PRPF31: variants seen among roughly 807,000 people sequenced by gnomAD.
PRPF31 encodes pre-mRNA processing factor 31.
A neutral mutation model predicts 60.4 loss-of-function variants in PRPF31; 12 were observed. That is an observed-to-expected ratio of 0.20 (90% CI 0.13 to 0.32). PRPF31 has a LOEUF of 0.32. PRPF31 is among the 10% of genes least tolerant of loss of function. PRPF31 has a pLI of 1.00. For synonymous variants in PRPF31, 287 were observed against 287.9 expected (o/e 1.00, Z 0.03); for missense variants, 431 against 687.1 (o/e 0.63, Z 4.17).
In PRPF31 at chr19:54,123,910, A is replaced by C; in HGVS notation, c.689A>C (p.Lys230Thr). ...SIIIGASTAA[K>T]IMGVAGGLTN... ...ATTATCGGGGCATCCACGGCCGCCA[A>C]GATCATGGGTGAGTCCCCGGGCTGG... Residue 230 changes from lysine to threonine, a missense_variant, in exon 7 of 14, where the codon AAG becomes ACG. Around this residue, in one of 4 missense-constraint regions of PRPF31, gnomAD observed 314 missense variants for 475.3 expected, o/e 0.66. Transcript: ENST00000321030. The C allele has an allele frequency of 6.2e-7, 1 of 1,613,828 alleles. No individual in the cohort carries two copies. Among genetic ancestry groups the C allele is most frequent in the Non-Finnish European group, 8.5e-7 (1 of 1,180,024 alleles).
chr19:54,128,307 A>G lies in PRPF31; in HGVS notation c.1076A>G (p.Tyr359Cys). Residue 359 changes from tyrosine (Y) to cysteine (C), a missense_variant and splice_region_variant, in exon 11 of 14, where the codon TAC becomes TGC. Transcript: ENST00000321030. Reference sequence around the variant, plus strand: ...GCCGCCCACCCACCCGTCCCCAGGTACCGCAAGATGAAGGAGCGGCTGGGG... The same window carrying G: ...GCCGCCCACCCACCCGTCCCCAGGTGCCGCAAGATGAAGGAGCGGCTGGGG... ...GQRKKRGGRRYRKMKERLGLT... is the reference protein window; with the variant it reads ...GQRKKRGGRRCRKMKERLGLT... 1.9e-6 allele frequency: 2 copies of G among 1,037,826 alleles called. No homozygotes were observed. The highest frequency in any genetic ancestry group is 2.7e-6 in the Non-Finnish European group (2 of 748,412). 64.3% of individuals were successfully genotyped at this position (1,037,826 alleles called of 1,614,324 possible). A position where few individuals can be genotyped will look rare whatever the true frequency, so the allele number is the denominator to read the frequency against.
chr19:54,119,381 C>G (rs1432657258), intron 3 of PRPF31: 1 of 123,886 alleles, frequency 8.1e-6, no homozygotes, highest in African/African-American at 2.9e-5. Flanking sequence ...GACTCCGTCT[C>G]AAAAAAAAAA....
At position 54,119,478 on chromosome 19, in the gene PRPF31, G is replaced by A. The variant is rs139460996; in HGVS notation, c.238+845G>A. The A allele has an allele frequency of 4.2e-3, 637 of 151,290 alleles. 2 individuals are homozygous for A. The highest frequency in any genetic ancestry group is 6.2e-3 in the Non-Finnish European group (424 of 67,882). The allele number at this position is 151,290 out of a possible 1,614,324, so 9.4% of individuals were successfully genotyped here. On this transcript the variant is annotated intron_variant, in intron 3 of 13. Transcript: ENST00000321030. ...GCTCAGACTCACTCTTAAGAGGGCAGTCCTGTTACCATTCCTATTCTTTTT... is the reference window on the plus strand; with the variant it reads ...GCTCAGACTCACTCTTAAGAGGGCAATCCTGTTACCATTCCTATTCTTTTT...
chr19:54,118,150 C>T (rs1267458756), intron 1 of PRPF31, 121 bp from the exon 2 acceptor site: 2 of 1,375,052 alleles, frequency 1.5e-6, no homozygotes, highest in Middle Eastern at 2.5e-4. Flanking sequence ...TGTCGTGGAG[C>T]CTGCATGCTA....
intron 13 of PRPF31, among the ~76,000 whole-genome samples, chr19:54,129,834 G>T (rs1030024056): frequency 6.6e-6 from 1 of 151,770 alleles, no homozygotes; most frequent in Middle Eastern, 3.4e-3. Flanking sequence ...CGGAGCCTCG[G>T]TTTACCATCC....
intron 3 of PRPF31, 34 bp downstream of exon 3, chr19:54,118,667 C>T (rs1258592795): frequency 1.2e-6 from 2 of 1,608,976 alleles, no homozygotes; most frequent in East Asian, 4.5e-5. Flanking sequence ...CTCCCCATCT[C>T]CTGTCTCTCC....
intron 4 of PRPF31, 160 bp from the exon 5 acceptor site, chr19:54,122,337 C>A: frequency 1.3e-6 from 1 of 762,524 alleles, no homozygotes; most frequent in Non-Finnish European, 2.4e-6. Context: ...TCACACCTAG[C>A]GGTAAGGACG....
chr19:54,123,768 G>A lies in PRPF31; in HGVS notation c.547G>A (p.Glu183Lys), dbSNP rs2073851574. 1 of 1,611,526 alleles carries A rather than the reference G, an allele frequency of 6.2e-7. No homozygotes were observed. The highest frequency in any genetic ancestry group is 1.3e-5 in the African/African-American group (1 of 75,056). Residue 183 changes from glutamate to lysine, a missense_variant, in exon 7 of 14, where the codon GAG (glutamate) becomes AAG (lysine). Coordinates refer to ENST00000321030, the MANE Select transcript of PRPF31 (RefSeq NM_015629.4). ...CTGCAGGCAGCAGCTGTCGGAGGAGGAGCTGGAGCGGCTGGAGGAGGCCTG... is the reference window on the plus strand; with the variant it reads ...CTGCAGGCAGCAGCTGTCGGAGGAGAAGCTGGAGCGGCTGGAGGAGGCCTG... Reference protein sequence around the residue: ...TTQGQQLSEEELERLEEACDM... With the variant: ...TTQGQQLSEEKLERLEEACDM...
intron 3 of PRPF31, among the ~76,000 whole-genome samples, chr19:54,119,094 C>T (rs2073723091): frequency 6.6e-6 from 1 of 152,052 alleles, no homozygotes; most frequent in African/African-American, 2.4e-5. Context: ...ATTTAGGAAC[C>T]ACCTAAGGCC....
At chr19:54,123,174 CA>C (rs1952321534) in intron 5 of PRPF31, 2 of 572,744 alleles carry the variant, frequency 3.5e-6, no homozygotes, top group Admixed American at 6.1e-5. Context: ...CGACTTGACG[CA>C]GGCCAGAGGC....
intron 8 of PRPF31, chr19:54,124,930 C>T (rs2073883329): frequency 5.2e-6 from 3 of 580,084 alleles, no homozygotes; most frequent in East Asian, 5.8e-5. Context: ...TGAGTTGGGA[C>T]GAGGGCTCAG....
At chr19:54,118,748 C>CTT (rs372993844) in intron 3 of PRPF31, 115 bp downstream of exon 3, 19 of 881,952 alleles carry the variant, frequency 2.2e-5, no homozygotes, top group African/African-American at 3.5e-5. Context: ...CCAGAGCCTT[C>CTT]TTTTTTTTTT....
intron 13 of PRPF31, 83 bp downstream of exon 13, chr19:54,129,453 G>A: frequency 6.8e-7 from 1 of 1,470,220 alleles, no homozygotes; most frequent in Non-Finnish European, 9.2e-7. Flanking sequence ...AGAAGGCCAG[G>A]ATGAGTCTCC....
At chr19:54,121,986 C>T (rs1305389020) in intron 4 of PRPF31, 43 bp downstream of exon 4, 4 of 1,549,054 alleles carry the variant, frequency 2.6e-6, no homozygotes, top group Non-Finnish European at 3.5e-6. Flanking sequence ...GTGTGACGTC[C>T]CTCACGCCCC....
rs892122456 is a variant in PRPF31, at chr19:54,122,110, G to T, written c.322+167G>T. 4 of 770,102 alleles carry T rather than the reference G, an allele frequency of 5.2e-6. No individual in the cohort carries two copies. In the African/African-American group the frequency reaches 6.8e-5, roughly 13 times the overall value. 47.7% of individuals were successfully genotyped at this position (770,102 alleles called of 1,614,324 possible). A position where few individuals can be genotyped will look rare whatever the true frequency, so the allele number is the denominator to read the frequency against. On this transcript the variant is annotated intron_variant, in intron 4 of 13. Coordinates refer to ENST00000321030, the MANE Select transcript of PRPF31 (RefSeq NM_015629.4). ...ATAAGAAGGAAGTGCGTTCTCTCGC[G>T]TATGAGTCTGAGGAGCACTCGGGGA... is the stretch of plus-strand genomic sequence containing the variant.
intron 13 of PRPF31, among the ~76,000 whole-genome samples, chr19:54,130,878 C>T (rs138673109): frequency 1.8e-3 from 276 of 152,190 alleles, no homozygotes; most frequent in African/African-American, 5.9e-3. Flanking sequence ...TTTTTAGAGA[C>T]GGGGGCTCGC....
chr19:54,124,595 C>T lies in PRPF31; in HGVS notation c.794C>T (p.Thr265Ile). The change falls in exon 8 of 14, where the codon ACC (threonine) becomes ATC (isoleucine). Residue 265 changes from threonine to isoleucine, a missense_variant. Thr to Ile is a moderately conservative substitution (Grantham distance 89, BLOSUM62 -1). Coordinates refer to ENST00000321030, the MANE Select transcript of PRPF31 (RefSeq NM_015629.4). ...AAGACGCTGTCGGGCTTCTCGTCTA[C>T]CTCAGTGCTGCCCCACACCGGCTAC... Reference protein sequence around the residue: ...QRKTLSGFSSTSVLPHTGYIY... With the variant: ...QRKTLSGFSSISVLPHTGYIY... 1 of 1,613,672 alleles carries T rather than the reference C, an allele frequency of 6.2e-7. No homozygotes were observed. The highest frequency in any genetic ancestry group is 8.5e-7 in the Non-Finnish European group (1 of 1,180,014).
chr19:54,123,062 G>T, intron 5 of PRPF31: 1 of 455,214 alleles, frequency 2.2e-6, no homozygotes, highest in Non-Finnish European at 4.1e-6. Flanking sequence ...GCAGGTGTGC[G>T]TGAGGGCGGG....
chr19:54,121,090 G>T (rs1380506366), intron 3 of PRPF31, among the ~76,000 whole-genome samples: 1 of 152,044 alleles, frequency 6.6e-6, no homozygotes, highest in Non-Finnish European at 1.5e-5. Context: ...TCGGGAGTTC[G>T]AGACCAGCCT....
Sources: gnomAD v4.1 joint callset for allele counts (sites outside exome capture counted in the v4.1 genomes callset) on GRCh38, gnomAD v4.1.1 for gene constraint, gnomAD v4.1.1 regional missense constraint, MANE v1.5 for transcripts, NCBI Gene and HGNC (gene_info 2026-07-23, HGNC 2026-07-21) for gene names.